Variants in RFX8 observed in about 807,000 individuals in gnomAD.
RFX8 encodes regulatory factor X8.
A neutral mutation model predicts 54.6 loss-of-function variants in RFX8; 46 were observed. That is an observed-to-expected ratio of 0.84 (90% confidence interval 0.67 to 1.08). The LOEUF (loss-of-function observed/expected upper bound fraction) is 1.08. RFX8 is among the 50% of genes least tolerant of loss of function. RFX8 has a pLI of 0.00. For synonymous variants in RFX8, 192 were observed against 209.5 expected, an observed-to-expected ratio of 0.92 and a Z score of 0.72; for missense variants, 536 against 562.3, an observed-to-expected ratio of 0.95 and a Z score of 0.47.
chr2:101,456,485 G>A (rs1393665091), intron 2 of RFX8, among the ~76,000 whole-genome samples: 3 of 152,038 alleles, frequency 2.0e-5, no homozygotes, highest in Non-Finnish European at 4.4e-5. Flanking sequence ...TGGTTTTGTC[G>A]TTGGTTCTGT....
chr2:101,424,118 A>G (rs765626754), intron 2 of RFX8, among the ~76,000 whole-genome samples: 2 of 152,214 alleles, frequency 1.3e-5, no homozygotes, highest in Non-Finnish European at 2.9e-5. Context: ...TACATAAAGC[A>G]GGAACACAGA....
chr2:101,456,336 A>G (rs1688960456), intron 2 of RFX8, among the ~76,000 whole-genome samples: 1 of 152,184 alleles, frequency 6.6e-6, no homozygotes, highest in South Asian at 2.1e-4. Flanking sequence ...TCAGTATGAT[A>G]TTGGCTGTGG....
chr2:101,415,980 T>C (rs556853021), intron 6 of RFX8, among the ~76,000 whole-genome samples: 1 of 152,350 alleles, frequency 6.6e-6, no homozygotes, highest in African/African-American at 2.4e-5. Flanking sequence ...GGGCCTTTTC[T>C]GGGGACAGCC....
At chr2:101,474,367 C>T (rs982969491) in intron 1 of RFX8, 2 of 411,120 alleles carry the variant, frequency 4.9e-6, no homozygotes, top group Non-Finnish European at 8.6e-6. Context: ...CGCCGCTCCT[C>T]GGTGTTTACT....
At chr2:101,423,388 G>A (rs528198173) in intron 2 of RFX8, among the ~76,000 whole-genome samples, 3 of 152,100 alleles carry the variant, frequency 2.0e-5, no homozygotes, top group African/African-American at 7.2e-5. Context: ...CTGGGCATGG[G>A]GAGGCATGAG....
At chr2:101,458,236 A>G (rs1008824533) in intron 2 of RFX8, among the ~76,000 whole-genome samples, 1 of 152,078 alleles carries the variant, frequency 6.6e-6, no homozygotes, top group African/African-American at 2.4e-5. Flanking sequence ...GTTATGTGTG[A>G]ATTTGATCCT....
chr2:101,449,329 C>T (rs1688555568), intron 2 of RFX8, among the ~76,000 whole-genome samples: 1 of 152,100 alleles, frequency 6.6e-6, no homozygotes, highest in African/African-American at 2.4e-5. Context: ...GAGGATTCAT[C>T]TGGTAGCTGT....
intron 2 of RFX8, among the ~76,000 whole-genome samples, chr2:101,459,453 C>T (rs1689152517): frequency 6.6e-6 from 1 of 152,124 alleles, no homozygotes; most frequent in African/African-American, 2.4e-5. Flanking sequence ...TGTTAGTTTT[C>T]CTTCTAACAG....
chr2:101,439,084 A>AT (rs1372130870), intron 2 of RFX8, among the ~76,000 whole-genome samples: 2 of 152,154 alleles, frequency 1.3e-5, no homozygotes, highest in African/African-American at 4.8e-5. Flanking sequence ...AAGTGCTGGG[A>AT]TTACAGGTGT....
intron 2 of RFX8, among the ~76,000 whole-genome samples, chr2:101,437,898 T>C (rs1687870036): frequency 6.6e-6 from 1 of 152,080 alleles, no homozygotes; most frequent in Non-Finnish European, 1.5e-5. Flanking sequence ...CATTCATCTC[T>C]TGCTTCCCCC....
At chr2:101,418,486 C>CCAAAG (rs1430071537) in intron 5 of RFX8, among the ~76,000 whole-genome samples, 1 of 152,156 alleles carries the variant, frequency 6.6e-6, no homozygotes, top group East Asian at 1.9e-4. Context: ...AGAGCTTCAA[C>CCAAAG]CAAAGCAAAG....
chr2:101,455,840 A>G (rs1440033748), intron 2 of RFX8, among the ~76,000 whole-genome samples: 1 of 152,202 alleles, frequency 6.6e-6, no homozygotes, highest in African/African-American at 2.4e-5. Flanking sequence ...GATTCTTCCT[A>G]TCTATGAGCA....
intron 2 of RFX8, chr2:101,450,681 C>G (rs907291359): frequency 2.1e-5 from 30 of 1,457,426 alleles, no homozygotes; most frequent in Non-Finnish European, 2.4e-5. Flanking sequence ...ATAATGATAC[C>G]TGGAAAAATA....
chr2:101,438,819 C>A (rs140736123), intron 2 of RFX8, among the ~76,000 whole-genome samples: 11 of 152,066 alleles, frequency 7.2e-5, no homozygotes, highest in African/African-American at 1.4e-4. Context: ...TTATTTATTT[C>A]TTTCTTTTTG....
rs1686225099 is a variant in RFX8, at chr2:101,412,891, A to G, written c.718+24T>C. The G allele has an allele frequency of 3.2e-6, 5 of 1,540,716 alleles. No individual in the cohort carries two copies. In the South Asian group the frequency reaches 4.8e-5, roughly 15 times the overall value. ...AAATCTATGCCCAACACGCCAATAA[A>G]GCAAGCTGCAGAAGGAAGATTACAT... On this transcript the variant is annotated intron_variant, in intron 8 of 11. Transcript: ENST00000428343.
intron 1 of RFX8, among the ~76,000 whole-genome samples, chr2:101,471,584 C>T (rs2149002689): frequency 6.6e-6 from 1 of 152,326 alleles, no homozygotes; most frequent in African/African-American, 2.4e-5. Flanking sequence ...TTTGCCTGGT[C>T]TGAAACCAGG....
intron 2 of RFX8, among the ~76,000 whole-genome samples, chr2:101,450,342 C>T (rs559461035): frequency 9.8e-5 from 15 of 152,288 alleles, no homozygotes; most frequent in Middle Eastern, 3.4e-3. Flanking sequence ...CCACCTCAGC[C>T]TCTCGAGTAG....
chr2:101,469,081 T>TATATATATATATAAGTATATATATATAA lies in RFX8; in HGVS notation c.-52-2182_-52-2181insTTATATATATATACTTATATATATATAT, dbSNP rs1558896774. Among the ~76,000 whole-genome samples the TATATATATATATAAGTATATATATATAA allele has an allele frequency of 1.0e-3, 11 of 10,676 alleles. 1 individual carries two copies. The highest frequency in any genetic ancestry group is 5.0e-3 in the African/African-American group (11 of 2,218). 7.0% of individuals were successfully genotyped at this position (10,676 alleles called of 152,430 possible). ...GTATATATATGTATATATATATAAG[T>TATATATATATATAAGTATATATATATAA]GTATATATATAAGTATATATATATA... On this transcript the variant is annotated intron_variant, in intron 1 of 11. Transcript: ENST00000428343.
intron 2 of RFX8, among the ~76,000 whole-genome samples, chr2:101,448,770 T>C (rs377199675): frequency 3.9e-5 from 6 of 152,252 alleles, no homozygotes; most frequent in Admixed American, 3.9e-4. Flanking sequence ...TTTTAATTTA[T>C]TGTTCAAACT....
Sources: allele counts gnomAD v4.1 joint callset (sites outside exome capture counted in the v4.1 genomes callset), GRCh38; gene constraint gnomAD v4.1.1; transcripts MANE v1.5; gene names NCBI Gene and HGNC (gene_info 2026-07-23, HGNC 2026-07-21).